The following BICD1 variants were observed in gnomAD, a reference collection of about 807,000 sequenced individuals.
BICD1 encodes the protein BICD cargo adaptor 1.
Under a neutral mutation model 92.5 loss-of-function variants are expected in BICD1, and 35 were observed. The ratio of observed to expected loss-of-function variants is 0.38; its 90% CI spans 0.29 to 0.50. The LOEUF (loss-of-function observed/expected upper bound fraction) is 0.50. Ranked by LOEUF, BICD1 falls within the 20% of genes least tolerant of loss-of-function variation. BICD1 has a pLI of 0.93. For synonymous variants in BICD1, 429 were observed against 465.1 expected, an observed-to-expected ratio of 0.92 and a Z score of 1.00; for missense variants, 950 against 1,189.8, an observed-to-expected ratio of 0.80 and a Z score of 2.97.
chr12:32,257,667 G>A (rs1400722898), intron 2 of BICD1, among the ~76,000 whole-genome samples: 5 of 152,128 alleles, frequency 3.3e-5, no homozygotes, highest in African/African-American at 7.2e-5. Flanking sequence ...GCACTTTTGA[G>A]TCAGAAGATG....
At chr12:32,191,505 C>G (rs1944564787) in intron 1 of BICD1, among the ~76,000 whole-genome samples, 1 of 150,448 alleles carries the variant, frequency 6.6e-6, no homozygotes, top group Admixed American at 6.7e-5. Context: ...TGTGCTCACT[C>G]TGTGTCTCTG....
chr12:32,231,700 T>A (rs1945893982), intron 2 of BICD1, among the ~76,000 whole-genome samples: 1 of 151,718 alleles, frequency 6.6e-6, no homozygotes, highest in Non-Finnish European at 1.5e-5. Context: ...TAACTCATCA[T>A]CTAGCATTAG....
intron 1 of BICD1, among the ~76,000 whole-genome samples, chr12:32,161,579 C>T (rs995097122): frequency 2.6e-5 from 4 of 152,208 alleles, no homozygotes; most frequent in Non-Finnish European, 5.9e-5. Context: ...GTGGACCAAA[C>T]ATTCAGTGAA....
At position 32,134,750 on chromosome 12, in the gene BICD1, G is replaced by A. The variant is rs963811286; in HGVS notation, c.213+27206G>A. On this transcript the variant is annotated intron_variant, in intron 1 of 9. Coordinates refer to ENST00000652176, the MANE Select transcript of BICD1 (RefSeq NM_001714.4). The stretch of plus-strand genomic sequence containing the variant: ...GTGGTTTGTTTTGCGATGACTGTGT[G>A]GTTGTTAAACTTTCTAAGTGAAACA... Among the ~76,000 whole-genome samples the A allele has an allele frequency of 3.3e-5, 5 of 152,282 alleles. 1 individual carries two copies. The highest frequency in any genetic ancestry group is 1.3e-4 in the Admixed American group (2 of 15,302).
intron 1 of BICD1, among the ~76,000 whole-genome samples, chr12:32,132,439 G>A (rs1410392352): frequency 6.7e-6 from 1 of 148,730 alleles, no homozygotes; most frequent in Non-Finnish European, 1.5e-5. Flanking sequence ...AAAAGATCTT[G>A]AGATGAGAAT....
At chr12:32,302,334 G>A (rs1565654550) in intron 3 of BICD1, among the ~76,000 whole-genome samples, 1 of 152,154 alleles carries the variant, frequency 6.6e-6, no homozygotes, top group South Asian at 2.1e-4. Context: ...TGGTCTATGG[G>A]CACCCCTTGT....
At chr12:32,112,234 G>A (rs965921953) in intron 1 of BICD1, among the ~76,000 whole-genome samples, 11 of 152,134 alleles carry the variant, frequency 7.2e-5, no homozygotes, top group Non-Finnish European at 1.0e-4. Context: ...TTGAACTCCC[G>A]ACCTCAGGTG....
At chr12:32,169,705 G>T (rs1157963101) in intron 1 of BICD1, among the ~76,000 whole-genome samples, 1 of 152,064 alleles carries the variant, frequency 6.6e-6, no homozygotes, top group East Asian at 1.9e-4. Context: ...AACCTAGGTC[G>T]CTGGACAGCT....
intron 1 of BICD1, among the ~76,000 whole-genome samples, chr12:32,138,267 ATTAAT>A (rs1221294559): frequency 6.6e-6 from 1 of 152,214 alleles, no homozygotes; most frequent in Non-Finnish European, 1.5e-5. Context: ...GCACAGATAA[ATTAAT>A]TTGTCTAGCG....
At chr12:32,372,254 C>T (rs1592730927) in intron 9 of BICD1, among the ~76,000 whole-genome samples, 1 of 152,046 alleles carries the variant, frequency 6.6e-6, no homozygotes, top group Non-Finnish European at 1.5e-5. Context: ...CCAAGGTGGG[C>T]AGATCACCTG....
intron 2 of BICD1, among the ~76,000 whole-genome samples, chr12:32,270,857 C>T (rs1275964964): frequency 1.3e-5 from 2 of 152,156 alleles, no homozygotes; most frequent in African/African-American, 2.4e-5. Context: ...GAAAGGCCTT[C>T]TGATGGGACC....
intron 2 of BICD1, among the ~76,000 whole-genome samples, chr12:32,233,929 G>A (rs1945980321): frequency 1.3e-5 from 2 of 152,094 alleles, no homozygotes; most frequent in South Asian, 4.1e-4. Context: ...TAAAAATCAA[G>A]GATACCAGAA....
intron 1 of BICD1, among the ~76,000 whole-genome samples, chr12:32,124,299 G>A (rs1798615): frequency 0.29 from 43,687 of 151,926 alleles, 6,502 homozygotes; most frequent in Admixed American, 0.43. Flanking sequence ...TTTGTTGTTG[G>A]AGGCAACAGA....
At chr12:32,125,350 T>C (rs1942292181) in intron 1 of BICD1, among the ~76,000 whole-genome samples, 1 of 152,224 alleles carries the variant, frequency 6.6e-6, no homozygotes, top group African/African-American at 2.4e-5. Context: ...TTAGGATTCA[T>C]TGGCTGTTTC....
intron 9 of BICD1, among the ~76,000 whole-genome samples, chr12:32,374,589 C>G (rs1334584710): frequency 8.2e-6 from 1 of 122,508 alleles, no homozygotes; most frequent in Non-Finnish European, 1.7e-5. Context: ...TTTTTTGAGA[C>G]GGAGTTTTGC....
intron 9 of BICD1, among the ~76,000 whole-genome samples, chr12:32,374,910 C>CTTTTTTT (rs1185628924): frequency 6.0e-5 from 3 of 49,604 alleles, no homozygotes; most frequent in African/African-American, 1.0e-4. Context: ...ATTTATTTTC[C>CTTTTTTT]TTTTTTTTTT....
chr12:32,238,944 C>CAA (rs111403291), intron 2 of BICD1, among the ~76,000 whole-genome samples: 3,058 of 70,416 alleles, frequency 0.043, 181 homozygotes, highest in African/African-American at 0.13. Flanking sequence ...AACTCTGTCT[C>CAA]AAAAAAAAAA....
At chr12:32,288,262 C>T (rs1947632180) in intron 2 of BICD1, among the ~76,000 whole-genome samples, 1 of 136,448 alleles carries the variant, frequency 7.3e-6, no homozygotes, top group Admixed American at 7.6e-5. Context: ...GACAGGGTCT[C>T]ACTCTGTAGC....
At chr12:32,251,048 G>A (rs191921782) in intron 2 of BICD1, among the ~76,000 whole-genome samples, 2 of 152,188 alleles carry the variant, frequency 1.3e-5, no homozygotes, top group African/African-American at 4.8e-5. Flanking sequence ...TTTTGAGTGA[G>A]TTAGAACCTA....
Sources: gnomAD v4.1 joint callset for allele counts (sites outside exome capture counted in the v4.1 genomes callset) on GRCh38, gnomAD v4.1.1 for gene constraint, MANE v1.5 for transcripts, NCBI Gene and HGNC (gene_info 2026-07-23, HGNC 2026-07-21) for gene names.